TENM3: variants seen among roughly 807,000 people sequenced by gnomAD.
TENM3 encodes the protein teneurin-3.
Under a neutral mutation model 255.1 loss-of-function variants are expected in TENM3, and 63 were observed. The observed-to-expected ratio is 0.25, with a 90% CI of 0.20 to 0.30. The LOEUF (loss-of-function observed/expected upper bound fraction) is 0.30, where lower values mean the gene tolerates loss of function less well. Ranked by LOEUF, TENM3 falls within the 10% of genes least tolerant of loss-of-function variation. The pLI is 1.00. For synonymous variants in TENM3, 1,306 were observed against 1,322.3 expected, an observed-to-expected ratio of 0.99 and a Z score of 0.27; for missense variants, 2,929 against 3,461.1, an observed-to-expected ratio of 0.85 and a Z score of 3.86.
chr4:182,756,341 C>A (rs909978474), intron 22 of TENM3, among the ~76,000 whole-genome samples: 3 of 152,072 alleles, frequency 2.0e-5, no homozygotes, highest in African/African-American at 7.2e-5. Context: ...GGAGTGGTGG[C>A]CCGGGCACTG....
intron 3 of TENM3, among the ~76,000 whole-genome samples, chr4:182,347,176 G>A (rs1051683239): frequency 1.3e-5 from 2 of 151,810 alleles, no homozygotes; most frequent in Non-Finnish European, 2.9e-5. Context: ...AGTCTACAAT[G>A]TTTTGGCTAT....
the TENM3 span, among the ~76,000 whole-genome samples, chr4:181,485,947 G>A: frequency 6.6e-5 from 10 of 151,802 alleles, no homozygotes; most frequent in East Asian, 9.7e-4. Flanking sequence ...AAGCCACTGC[G>A]TGAAAAATTT....
chr4:182,219,831 T>TTACTCTCCTAAGGG (rs1755740197), intron 1 of TENM3, among the ~76,000 whole-genome samples: 1 of 152,234 alleles, frequency 6.6e-6, no homozygotes, highest in South Asian at 2.1e-4. Flanking sequence ...AGTCAAATGA[T>TTACTCTCCTAAGGG]GAAGTCTGCT....
the TENM3 span, among the ~76,000 whole-genome samples, chr4:181,808,426 A>G: frequency 6.6e-6 from 1 of 152,176 alleles, no homozygotes; most frequent in South Asian, 2.1e-4. Flanking sequence ...GAGCAGAGCA[A>G]TATTTAAATA....
At chr4:181,754,462 G>C in the TENM3 span, among the ~76,000 whole-genome samples, 1 of 152,094 alleles carries the variant, frequency 6.6e-6, no homozygotes, top group African/African-American at 2.4e-5. Context: ...ACATATTTGG[G>C]TGGAGAAATG....
the TENM3 span, among the ~76,000 whole-genome samples, chr4:181,909,780 A>G: frequency 6.6e-6 from 1 of 152,198 alleles, no homozygotes; most frequent in Admixed American, 6.5e-5. Context: ...ACTCTCCCCA[A>G]TACAGTGTAT....
At chr4:181,745,514 A>G in the TENM3 span, among the ~76,000 whole-genome samples, 4 of 152,188 alleles carry the variant, frequency 2.6e-5, no homozygotes, top group African/African-American at 4.8e-5. Context: ...TGCAAGAAAG[A>G]AGGAAGAACT....
chr4:181,781,084 A>G, the TENM3 span, among the ~76,000 whole-genome samples: 1 of 152,324 alleles, frequency 6.6e-6, no homozygotes, highest in Non-Finnish European at 1.5e-5. Flanking sequence ...CTTTTGGCTT[A>G]GGATTGACTT....
intron 1 of TENM3, among the ~76,000 whole-genome samples, chr4:182,191,031 C>A (rs1340512037): frequency 5.3e-5 from 8 of 152,048 alleles, no homozygotes; most frequent in Admixed American, 4.6e-4. Flanking sequence ...TTACAAAATT[C>A]CAGTTGATTT....
chr4:182,247,044 A>C (rs1341373403), intron 1 of TENM3, among the ~76,000 whole-genome samples: 1 of 152,184 alleles, frequency 6.6e-6, no homozygotes, highest in Non-Finnish European at 1.5e-5. Flanking sequence ...GGACGCAGAG[A>C]TGGGCAAATG....
rs190070582 is a variant in TENM3, at chr4:182,768,289, T to C, written c.4893-5183T>C. Among the ~76,000 whole-genome samples the C allele has an allele frequency of 5.6e-3, 856 of 152,320 alleles. 3 individuals carry two copies. Among genetic ancestry groups the C allele is most frequent in the South Asian group, 0.021 (102 of 4,824 alleles). On this transcript the variant is annotated intron_variant, in intron 22 of 27. Coordinates refer to ENST00000511685, the MANE Select transcript of TENM3 (RefSeq NM_001080477.4). ...ATGGGGAAGCACCAAAGACGATAAA[T>C]ACTCCTGTTGTCAAGTTGTAAAGAA...
chr4:182,030,026 G>C, the TENM3 span, among the ~76,000 whole-genome samples: 1 of 94,968 alleles, frequency 1.1e-5, no homozygotes, highest in African/African-American at 4.1e-5. Context: ...TTTTTGGTCT[G>C]TTGTCCTATG....
chr4:182,177,803 C>T (rs960748633), intron 1 of TENM3, among the ~76,000 whole-genome samples: 1 of 151,922 alleles, frequency 6.6e-6, no homozygotes, highest in Non-Finnish European at 1.5e-5. Context: ...ACTGGGATTA[C>T]AACCATGAGC....
chr4:181,904,533 C>T, the TENM3 span, among the ~76,000 whole-genome samples: 1 of 152,262 alleles, frequency 6.6e-6, no homozygotes, highest in African/African-American at 2.4e-5. Flanking sequence ...GATTTCTGAT[C>T]ACAATTAAAA....
the TENM3 span, among the ~76,000 whole-genome samples, chr4:182,043,589 C>A: frequency 6.6e-6 from 1 of 152,076 alleles, no homozygotes; most frequent in Non-Finnish European, 1.5e-5. Flanking sequence ...CTGTGAAAAA[C>A]CTATCTCTCT....
the TENM3 span, among the ~76,000 whole-genome samples, chr4:181,457,900 A>G: frequency 6.6e-6 from 1 of 152,070 alleles, no homozygotes; most frequent in Non-Finnish European, 1.5e-5. Context: ...TATGTGAAAT[A>G]GGAGTATTTC....
the TENM3 span, among the ~76,000 whole-genome samples, chr4:181,750,079 C>A: frequency 6.6e-6 from 1 of 152,074 alleles, no homozygotes; most frequent in Admixed American, 6.6e-5. Context: ...TTGGTCCATG[C>A]GGAAAGCAGA....
the TENM3 span, among the ~76,000 whole-genome samples, chr4:181,816,648 T>C: frequency 6.6e-6 from 1 of 152,132 alleles, no homozygotes; most frequent in Non-Finnish European, 1.5e-5. Context: ...ATCAACTGGG[T>C]CCTTTGCTGA....
chr4:181,546,585 A>G, the TENM3 span, among the ~76,000 whole-genome samples: 51,544 of 116,110 alleles, frequency 0.44, 14,339 homozygotes, highest in African/African-American at 0.66. Context: ...GTGGTGGCGG[A>G]CGCCTGTAGT....
Sources: allele counts gnomAD v4.1 joint callset (sites outside exome capture counted in the v4.1 genomes callset), GRCh38; gene constraint gnomAD v4.1.1; transcripts MANE v1.5; gene names NCBI Gene and HGNC (gene_info 2026-07-23, HGNC 2026-07-21).